Variants in CNKSR2 observed in about 807,000 individuals in gnomAD.
CNKSR2 encodes CNK homolog protein 2.
CNKSR2 carries 14 observed loss-of-function variants against 84.4 expected under a neutral mutation model. That is an observed-to-expected ratio of 0.17 (90% CI 0.11 to 0.26). CNKSR2 has a LOEUF of 0.26. CNKSR2 is among the 10% of genes least tolerant of loss of function. The probability of loss-of-function intolerance (pLI) is 1.00; values close to 1 mark genes in which losing one functional copy is unlikely to be tolerated. For synonymous variants in CNKSR2, 275 were observed against 277.9 expected (o/e 0.99, Z 0.10); for missense variants, 485 against 771.2 (o/e 0.63, Z 4.40).
intron 13 of CNKSR2, among the ~76,000 whole-genome samples, chrX:21,577,898 A>G (rs1469590268): frequency 9.0e-6 from 1 of 111,616 alleles, no homozygotes; most frequent in Middle Eastern, 4.2e-3. Flanking sequence ...AAAATTATCC[A>G]AAGTTTCCTC....
chrX:21,431,696 A>T (rs73203331), intron 2 of CNKSR2, among the ~76,000 whole-genome samples: 6,863 of 111,798 alleles, frequency 0.061, 212 homozygotes, highest in Non-Finnish European at 0.097. Context: ...GCTGCTTTAC[A>T]TTTTAATTGT....
chrX:21,631,670 T>C (rs2092648505), intron 20 of CNKSR2, among the ~76,000 whole-genome samples: 1 of 112,251 alleles, frequency 8.9e-6, no homozygotes, highest in Admixed American at 9.5e-5. Context: ...GCATGTAACC[T>C]GAAAAGAACT....
chrX:21,517,877 A>G (rs1321349735), intron 9 of CNKSR2, among the ~76,000 whole-genome samples: 1 of 111,544 alleles, frequency 9.0e-6, no homozygotes, highest in Non-Finnish European at 1.9e-5. Flanking sequence ...TTTTCCTAAG[A>G]ATCAAAATTC....
In CNKSR2 at chrX:21,601,332, G is replaced by A; in HGVS notation, c.2027G>A (p.Arg676Lys). The part of the protein sequence containing the change: ...MLTAGYAERE[R>K]IKQEQDYWSE... ...ACTGCAGGATATGCAGAAAGAGAGAGGATTAAGCAGGAACAAGGTAAAGGA... is the reference window on the plus strand; with the variant it reads ...ACTGCAGGATATGCAGAAAGAGAGAAGATTAAGCAGGAACAAGGTAAAGGA... Residue 676 changes from arginine to lysine, a missense_variant, in exon 18 of 22, where the codon AGG (arginine) becomes AAG (lysine). Physicochemically the swap from Arg to Lys is conservative, Grantham distance 26. Coordinates refer to ENST00000379510, the MANE Select transcript of CNKSR2 (RefSeq NM_014927.5). 2.6e-6 allele frequency: 3 copies of A among 1,142,720 alleles called. No individual in the cohort carries two copies. The highest frequency in any genetic ancestry group is 3.6e-6 in the Non-Finnish European group (3 of 842,642). 94.2% of individuals were successfully genotyped at this position (1,142,720 alleles called of 1,213,427 possible). A position where few individuals can be genotyped will look rare whatever the true frequency, so the allele number is the denominator to read the frequency against.
chrX:21,472,956 T>C (rs1458717524), intron 5 of CNKSR2, among the ~76,000 whole-genome samples: 1 of 111,560 alleles, frequency 9.0e-6, no homozygotes, highest in Non-Finnish European at 1.9e-5. Context: ...TTAAAAGTTC[T>C]TAATCACTAA....
chrX:21,409,228 TTATATATATATATATATATATA>T lies in CNKSR2; in HGVS notation c.65-17239_65-17218del, dbSNP rs57301315. 6.4e-3 allele frequency among the ~76,000 whole-genome samples: 245 copies of T among 38,454 alleles called. No individual in the cohort carries two copies. The Middle Eastern group carries it at 0.075, about 12-fold the overall frequency. The allele number at this position is 38,454 out of a possible 115,157, so 33.4% of individuals were successfully genotyped here. A position where few individuals can be genotyped will look rare whatever the true frequency, so the allele number is the denominator to read the frequency against. ...AAACCTTACATAAAAAATGAAAAAATTATATATATATATATATATATATATATATATATATATATATATATAT... is the reference window on the plus strand; with the variant it reads ...AAACCTTACATAAAAAATGAAAAAATTATATATATATATATATATATATAT... On this transcript the variant is annotated intron_variant, in intron 1 of 21. Transcript: ENST00000379510.
intron 4 of CNKSR2, among the ~76,000 whole-genome samples, chrX:21,445,572 C>G (rs1011710537): frequency 2.7e-5 from 3 of 110,978 alleles, no homozygotes; most frequent in African/African-American, 9.8e-5. Flanking sequence ...AATTTTGTAT[C>G]TATTAACTAA....
intron 4 of CNKSR2, among the ~76,000 whole-genome samples, chrX:21,448,475 G>T (rs183342383): frequency 1.0e-3 from 117 of 111,815 alleles, no homozygotes; most frequent in African/African-American, 3.6e-3. Context: ...ATAATCATTA[G>T]TAATGTTTTA....
At chrX:21,452,372 A>G (rs755828349) in intron 4 of CNKSR2, among the ~76,000 whole-genome samples, 31 of 111,763 alleles carry the variant, frequency 2.8e-4, no homozygotes, top group South Asian at 2.2e-3. Flanking sequence ...GATTACAGGC[A>G]TGAGCCACCA....
chrX:21,649,738 G>A (rs938482345), intron 21 of CNKSR2, among the ~76,000 whole-genome samples: 1 of 110,919 alleles, frequency 9.0e-6, no homozygotes, highest in Non-Finnish European at 1.9e-5. Context: ...GAAGGAGAGG[G>A]CCCACCGCAC....
Position 21,591,101 on chromosome X carries a change from A to G in CNKSR2, c.1737A>G (p.Lys579=). The G allele has an allele frequency of 8.3e-7, 1 of 1,209,965 alleles. No individual in the cohort carries two copies. The highest frequency in any genetic ancestry group is 1.8e-5 in the South Asian group (1 of 56,845). ...GRGDCEGWLW[K]KKDAKSYFSQ... ...GTGACTGTGAGGGCTGGCTTTGGAAAAAGAAAGATGCGAAGAGTTACTTTT... is the reference window on the plus strand; with the variant it reads ...GTGACTGTGAGGGCTGGCTTTGGAAGAAGAAAGATGCGAAGAGTTACTTTT... The change falls in exon 15 of 22, where the codon AAA becomes AAG. Residue 579 remains lysine (K), a synonymous_variant. Coordinates refer to ENST00000379510, the MANE Select transcript of CNKSR2 (RefSeq NM_014927.5).
intron 5 of CNKSR2, among the ~76,000 whole-genome samples, chrX:21,480,856 A>G (rs1008342567): frequency 8.9e-6 from 1 of 112,111 alleles, no homozygotes; most frequent in African/African-American, 3.2e-5. Context: ...AGGCTGTATT[A>G]TTATCTCAAT....
At chrX:21,481,431 TA>T (rs1468792273) in intron 5 of CNKSR2, among the ~76,000 whole-genome samples, 1 of 111,645 alleles carries the variant, frequency 9.0e-6, no homozygotes, top group East Asian at 2.8e-4. Flanking sequence ...TTTCTATTGA[TA>T]ATTTTCCTTT....
intron 4 of CNKSR2, chrX:21,441,229 G>A (rs2090779219): frequency 9.0e-6 from 1 of 111,187 alleles, no homozygotes; most frequent in Admixed American, 9.7e-5. Flanking sequence ...TAGAGGAAAT[G>A]TAATTATAGG....
chrX:21,574,306 C>T (rs1316828616), intron 13 of CNKSR2, among the ~76,000 whole-genome samples: 1 of 111,950 alleles, frequency 8.9e-6, no homozygotes, highest in African/African-American at 3.3e-5. Flanking sequence ...GTCAGTTCTG[C>T]ATTTTTGGGT....
In CNKSR2 at chrX:21,518,159, A is replaced by G. The variant is rs187332752; in HGVS notation, c.957+1528A>G. ...GAGGTCAATGTTTGCCTCATTATCTAAGTCATAGATGAGTAGATCAGACTT... is the reference window on the plus strand; with the variant it reads ...GAGGTCAATGTTTGCCTCATTATCTGAGTCATAGATGAGTAGATCAGACTT... On this transcript the variant is annotated intron_variant, in intron 9 of 21. Transcript: ENST00000379510. 8.0e-5 allele frequency among the ~76,000 whole-genome samples: 9 copies of G among 111,823 alleles called. No homozygotes were observed. In the East Asian group the frequency reaches 2.5e-3, roughly 32 times the overall value.
chrX:21,445,536 A>G (rs1316763193), intron 4 of CNKSR2, among the ~76,000 whole-genome samples: 3 of 110,969 alleles, frequency 2.7e-5, no homozygotes, highest in Non-Finnish European at 5.7e-5. Context: ...ATAGAACACT[A>G]GGATTTTTTC....
intron 1 of CNKSR2, among the ~76,000 whole-genome samples, chrX:21,395,265 T>A (rs1328336194): frequency 8.9e-6 from 1 of 112,025 alleles, no homozygotes; most frequent in Non-Finnish European, 1.9e-5. Context: ...TGAGGAATTT[T>A]AAAAATACAC....
intron 11 of CNKSR2, among the ~76,000 whole-genome samples, chrX:21,535,911 G>A (rs1280252463): frequency 9.0e-6 from 1 of 111,323 alleles, no homozygotes; most frequent in African/African-American, 3.3e-5. Context: ...ATGTTAAATA[G>A]GAGTTGTGAA....
Sources: allele counts gnomAD v4.1 joint callset (sites outside exome capture counted in the v4.1 genomes callset), GRCh38; gene constraint gnomAD v4.1.1; transcripts MANE v1.5; gene names NCBI Gene and HGNC (gene_info 2026-07-23, HGNC 2026-07-21).